Variants in ERC1 observed in about 807,000 individuals in gnomAD.
The protein encoded by ERC1 is RAB6 interacting protein 2.
ERC1 carries 56 observed loss-of-function variants against 132.0 expected under a neutral mutation model. That is an observed-to-expected ratio of 0.42 (90% CI 0.34 to 0.53). The LOEUF is 0.53. Among genes scored for constraint, ERC1 ranks in the 20% least tolerant of loss-of-function variants. The pLI, the probability that ERC1 is intolerant of heterozygous loss-of-function variation, is 0.03. For synonymous variants in ERC1, 478 were observed against 476.1 expected (o/e 1.00, Z -0.05); for missense variants, 1,202 against 1,349.9 (o/e 0.89, Z 1.72).
intron 1 of ERC1, among the ~76,000 whole-genome samples, chr12:1,003,975 G>A (rs1056885837): frequency 6.6e-6 from 1 of 152,164 alleles, no homozygotes; most frequent in South Asian, 2.1e-4. Context: ...GTTAGGCAGG[G>A]CTGAAGGTTC....
intron 15 of ERC1, among the ~76,000 whole-genome samples, chr12:1,343,856 T>C (rs2154363368): frequency 6.6e-6 from 1 of 152,180 alleles, no homozygotes. Flanking sequence ...AACATTTTTT[T>C]TTTTTAAGAC....
At chr12:1,486,658 C>G (rs1565536871) in intron 18 of ERC1, among the ~76,000 whole-genome samples, 1 of 152,060 alleles carries the variant, frequency 6.6e-6, no homozygotes, top group African/African-American at 2.4e-5. Context: ...CTCCTGGCCT[C>G]AAGGGATCCG....
chr12:1,473,032 G>A (rs1450319439), intron 18 of ERC1, among the ~76,000 whole-genome samples: 1 of 151,984 alleles, frequency 6.6e-6, no homozygotes, highest in Non-Finnish European at 1.5e-5. Context: ...GTTGTTTTTT[G>A]TTTGTTTTTC....
intron 7 of ERC1, among the ~76,000 whole-genome samples, chr12:1,122,595 ATCTG>A (rs1947641602): frequency 3.1e-4 from 1 of 3,238 alleles, no homozygotes; most frequent in African/African-American, 3.7e-4. Context: ...CTCTATCTCT[ATCTG>A]TGTCTCTATC....
chr12:1,041,062 T>C (rs1479670477), intron 2 of ERC1, among the ~76,000 whole-genome samples: 1 of 152,198 alleles, frequency 6.6e-6, no homozygotes, highest in African/African-American at 2.4e-5. Context: ...AGCTTTTGTT[T>C]ATGTAGGTTA....
chr12:1,298,447 G>A (rs1427070784), intron 15 of ERC1, among the ~76,000 whole-genome samples: 1 of 151,446 alleles, frequency 6.6e-6, no homozygotes, highest in Non-Finnish European at 1.5e-5. Flanking sequence ...GGATTCTGAG[G>A]CAGGAGAATT....
chr12:1,339,405 AACT>A (rs2083606249), intron 15 of ERC1, among the ~76,000 whole-genome samples: 1 of 112,050 alleles, frequency 8.9e-6, no homozygotes, highest in Non-Finnish European at 1.8e-5. Flanking sequence ...TCAGCTGGAC[AACT>A]GTGACGGGGT....
chr12:1,122,629 CTAT>C (rs1947670679), intron 7 of ERC1, among the ~76,000 whole-genome samples: 1 of 4,698 alleles, frequency 2.1e-4, no homozygotes, highest in Non-Finnish European at 1.1e-3. Context: ...ATCTGTGTCT[CTAT>C]CTCTATCTCT....
intron 2 of ERC1, among the ~76,000 whole-genome samples, chr12:1,073,088 TCAA>T (rs1940699761): frequency 6.6e-6 from 1 of 151,952 alleles, no homozygotes; most frequent in Admixed American, 6.5e-5. Context: ...GATCATGAGG[TCAA>T]GAGATCGAGA....
intron 14 of ERC1, among the ~76,000 whole-genome samples, chr12:1,286,053 G>A (rs2079022184): frequency 6.6e-6 from 1 of 152,124 alleles, no homozygotes; most frequent in African/African-American, 2.4e-5. Context: ...CAGCACTTTG[G>A]GAGGCCAAGG....
At chr12:1,370,661 T>A (rs1406671561) in intron 15 of ERC1, among the ~76,000 whole-genome samples, 1 of 152,240 alleles carries the variant, frequency 6.6e-6, no homozygotes, top group African/African-American at 2.4e-5. Flanking sequence ...GGAACTCTTT[T>A]TAAAATATAA....
At chr12:1,404,245 C>T (rs537854958) in intron 16 of ERC1, among the ~76,000 whole-genome samples, 18 of 152,310 alleles carry the variant, frequency 1.2e-4, no homozygotes, top group South Asian at 4.1e-4. Flanking sequence ...GAAGGGCAAA[C>T]GGGCTCCCTC....
At chr12:1,155,876 A>C (rs950851616) in intron 8 of ERC1, among the ~76,000 whole-genome samples, 1 of 152,018 alleles carries the variant, frequency 6.6e-6, no homozygotes, top group Admixed American at 6.6e-5. Flanking sequence ...AAAAAAAATA[A>C]ATAAATAAAA....
rs549999670 is a variant in ERC1 at position 1,259,814 on chromosome 12, C to T, written c.2488-3220C>T. ...CTGGGATTGCAGGCGTGAGCCACCA[C>T]GCCCTGCTTTCTTGGGTATCTATTC... is the stretch of plus-strand genomic sequence containing the variant. On this transcript the variant is annotated intron_variant, in intron 13 of 18. Transcript: ENST00000360905. Among the ~76,000 whole-genome samples, 21 of 152,308 alleles carry T rather than the reference C, an allele frequency of 1.4e-4. 1 individual carries two copies. The South Asian group carries it at 3.9e-3, about 29-fold the overall frequency.
At chr12:1,137,508 C>T (rs930706958) in intron 7 of ERC1, among the ~76,000 whole-genome samples, 2 of 152,006 alleles carry the variant, frequency 1.3e-5, no homozygotes, top group Non-Finnish European at 2.9e-5. Context: ...AGCTACTTTA[C>T]AGTGCTAAAT....
chr12:1,031,815 C>A (rs986821163), intron 2 of ERC1, among the ~76,000 whole-genome samples: 1 of 151,724 alleles, frequency 6.6e-6, no homozygotes, highest in Non-Finnish European at 1.5e-5. Context: ...TAAAATAGAC[C>A]CCACTGATGG....
chr12:1,188,699 A>G (rs1955390829), intron 11 of ERC1, among the ~76,000 whole-genome samples: 1 of 152,220 alleles, frequency 6.6e-6, no homozygotes. Flanking sequence ...ACTTTCACCA[A>G]GCGTTTAATA....
At position 1,341,228 on chromosome 12, in the gene ERC1, G is replaced by T. The variant is rs1220791100; in HGVS notation, c.2781-30605G>T. 1.3e-5 allele frequency among the ~76,000 whole-genome samples: 2 copies of T among 150,360 alleles called. 1 individual carries two copies. The highest frequency in any genetic ancestry group is 4.2e-4 in the South Asian group (2 of 4,742). ...CCTGCCTCAGCCTCCTGAGTAGCTG[G>T]GACTACAGGCGCACGCCACCAAGCC... is the stretch of plus-strand genomic sequence containing the variant. On this transcript the variant is annotated intron_variant, in intron 15 of 18. Coordinates refer to ENST00000360905, the MANE Select transcript of ERC1 (RefSeq NM_178040.4).
chr12:1,001,663 A>C (rs1158556115), intron 1 of ERC1, among the ~76,000 whole-genome samples: 1 of 152,144 alleles, frequency 6.6e-6, no homozygotes, highest in Non-Finnish European at 1.5e-5. Context: ...GTATGTATTC[A>C]TGTCTGGCTT....
Sources: allele counts gnomAD v4.1 joint callset (sites outside exome capture counted in the v4.1 genomes callset), GRCh38; gene constraint gnomAD v4.1.1; transcripts MANE v1.5; gene names NCBI Gene and HGNC (gene_info 2026-07-23, HGNC 2026-07-21).